The following RASGEF1A variants were observed in gnomAD, a reference collection of about 807,000 sequenced individuals.
RASGEF1A encodes ras-GEF domain-containing family member 1A.
In RASGEF1A, 18 loss-of-function variants were observed where a neutral mutation model predicts 56.4. The observed-to-expected ratio is 0.32, with a 90% CI of 0.22 to 0.47. The LOEUF (loss-of-function observed/expected upper bound fraction) is 0.47. RASGEF1A is among the 20% of genes least tolerant of loss of function. RASGEF1A has a pLI of 1.00. For synonymous variants in RASGEF1A, 245 were observed against 242.6 expected (o/e 1.01, Z -0.09); for missense variants, 422 against 627.1 (o/e 0.67, Z 3.49).
intron 1 of RASGEF1A, among the ~76,000 whole-genome samples, chr10:43,243,380 G>A (rs2505534): frequency 0.54 from 78,932 of 147,436 alleles, 21,077 homozygotes; most frequent in African/African-American, 0.6. Context: ...TGCCCCGTCC[G>A]GGAGGTGAGG....
intron 1 of RASGEF1A, among the ~76,000 whole-genome samples, chr10:43,234,382 C>A (rs571104536): frequency 1.6e-4 from 24 of 152,210 alleles, no homozygotes; most frequent in African/African-American, 5.3e-4. Flanking sequence ...TTGGGGCAAA[C>A]CCTGCTCCCT....
chr10:43,245,752 A>T (rs1840560971), intron 1 of RASGEF1A, among the ~76,000 whole-genome samples: 1 of 152,200 alleles, frequency 6.6e-6, no homozygotes, highest in African/African-American at 2.4e-5. Context: ...CAAGCAACTG[A>T]AGGGAACTTC....
chr10:43,223,758 C>T (rs937048866), intron 1 of RASGEF1A, among the ~76,000 whole-genome samples: 1 of 151,882 alleles, frequency 6.6e-6, no homozygotes, highest in African/African-American at 2.4e-5. Flanking sequence ...GGGCCAGGCA[C>T]CCTGGATCAT....
chr10:43,196,973 C>T lies in RASGEF1A; in HGVS notation c.1348+3G>A. On this transcript the variant is annotated splice_donor_region_variant and intron_variant, in intron 11 of 12. Coordinates refer to ENST00000395810, the MANE Select transcript of RASGEF1A (RefSeq NM_145313.4). This position sits in a 1 kb window ranked among gnomAD's most constrained non-coding sequence, Gnocchi z 4.6. ...GCATGCTGCGTTGGGAGGCAGCCCTCACCTTCCTCGCTGTAGATGGGCGCC... is the reference window on the plus strand; with the variant it reads ...GCATGCTGCGTTGGGAGGCAGCCCTTACCTTCCTCGCTGTAGATGGGCGCC... The T allele has an allele frequency of 6.2e-7, 1 of 1,613,054 alleles. No homozygotes were observed. The highest frequency in any genetic ancestry group is 1.1e-5 in the South Asian group (1 of 91,026).
At chr10:43,197,925 C>A (rs944432069) in intron 10 of RASGEF1A, 79 bp downstream of exon 10, 1 of 1,313,522 alleles carries the variant, frequency 7.6e-7, no homozygotes, top group African/African-American at 1.5e-5. Flanking sequence ...CCACAGATCC[C>A]GACCCAGGGC....
intron 10 of RASGEF1A, 104 bp from the exon 11 acceptor site, chr10:43,197,203 A>G: frequency 7.4e-7 from 1 of 1,360,278 alleles, no homozygotes; most frequent in South Asian, 1.3e-5. Context: ...TGCTCACTTC[A>G]CTGGTCCCAG....
intron 1 of RASGEF1A, among the ~76,000 whole-genome samples, chr10:43,214,456 G>A (rs1015759702): frequency 6.6e-6 from 1 of 152,190 alleles, no homozygotes; most frequent in Non-Finnish European, 1.5e-5. Flanking sequence ...GCCCCCCTTC[G>A]TAGGTGTGTG....
At position 43,229,126 on chromosome 10, in the gene RASGEF1A, A is replaced by AT. The variant is rs1435982545; in HGVS notation, c.-6-23005_-6-23004insA. 2.9e-4 allele frequency among the ~76,000 whole-genome samples: 44 copies of AT among 152,260 alleles called. 1 individual carries two copies. Among genetic ancestry groups the AT allele is most frequent in the African/African-American group, 1.1e-3 (44 of 41,556 alleles). On this transcript the variant is annotated intron_variant, in intron 1 of 12. Coordinates refer to ENST00000395810, the MANE Select transcript of RASGEF1A (RefSeq NM_145313.4). ...CTCGCCCTGGAGCGCACACTCCTCG[A>AT]AGCCCCACGGTGGGCTCCACTCTCC...
intron 1 of RASGEF1A, among the ~76,000 whole-genome samples, chr10:43,254,303 A>G (rs1001236659): frequency 6.6e-6 from 1 of 152,184 alleles, no homozygotes; most frequent in African/African-American, 2.4e-5. Flanking sequence ...GCAAGGGGCC[A>G]TGTAGGTAGA....
chr10:43,206,590 G>A (rs1395339507), intron 1 of RASGEF1A: 3 of 996,958 alleles, frequency 3.0e-6, no homozygotes, highest in Non-Finnish European at 3.6e-6. Context: ...GAGCTGGGAG[G>A]ACAGTCTGAG....
At chr10:43,205,222 C>T (rs1195858749) in intron 2 of RASGEF1A, among the ~76,000 whole-genome samples, 1 of 152,102 alleles carries the variant, frequency 6.6e-6, no homozygotes, top group Non-Finnish European at 1.5e-5. Context: ...ACTGGCCCTC[C>T]CAGAGGGTAG....
At position 43,196,160 on chromosome 10, in the gene RASGEF1A, G is replaced by T; in HGVS notation, c.*84C>A. The T allele has an allele frequency of 1.5e-6, 2 of 1,291,214 alleles. No homozygotes were observed. The highest frequency in any genetic ancestry group is 2.2e-6 in the Non-Finnish European group (2 of 908,034). 80.0% of individuals were successfully genotyped at this position (1,291,214 alleles called of 1,614,324 possible). ...TACAAAATGGACCCCAACCAGTGAG[G>T]CCTCCTCATCTCAACCCACATCAGT... On this transcript the variant is annotated 3_prime_UTR_variant, in exon 13 of 13. Coordinates refer to ENST00000395810, the MANE Select transcript of RASGEF1A (RefSeq NM_145313.4). This position sits in a 1 kb window ranked among gnomAD's most constrained non-coding sequence, Gnocchi z 4.6.
intron 1 of RASGEF1A, chr10:43,209,227 T>C: frequency 1.0e-6 from 1 of 985,066 alleles, no homozygotes; most frequent in Middle Eastern, 5.2e-4. Context: ...ACCGCAAGGC[T>C]ACAGTTGAAG....
chr10:43,225,383 ATG>A (rs1417980631), intron 1 of RASGEF1A, among the ~76,000 whole-genome samples: 1 of 112,698 alleles, frequency 8.9e-6, no homozygotes, highest in African/African-American at 3.6e-5. Context: ...GTGTCTCTGC[ATG>A]TGTCTGTGTC....
At chr10:43,264,699 G>A (rs1180628967) in intron 1 of RASGEF1A, among the ~76,000 whole-genome samples, 1 of 151,818 alleles carries the variant, frequency 6.6e-6, no homozygotes, top group Non-Finnish European at 1.5e-5. Flanking sequence ...GGGGGAGAAT[G>A]CCTTGAGTCT....
intron 5 of RASGEF1A, 123 bp from the exon 6 acceptor site, chr10:43,200,379 GGC>G (rs1477768403): frequency 1.2e-6 from 1 of 827,114 alleles, no homozygotes; most frequent in African/African-American, 1.7e-5. Context: ...CCTCCTCCCA[GGC>G]CAGTCCTCCA....
intron 1 of RASGEF1A, among the ~76,000 whole-genome samples, chr10:43,209,904 G>C (rs574716757): frequency 6.6e-6 from 1 of 152,196 alleles, no homozygotes; most frequent in African/African-American, 2.4e-5. Context: ...ACTGGTGGGA[G>C]TGGGCCCAGT....
chr10:43,209,880 C>A (rs562545094), intron 1 of RASGEF1A, among the ~76,000 whole-genome samples: 1 of 152,252 alleles, frequency 6.6e-6, no homozygotes, highest in South Asian at 2.1e-4. Flanking sequence ...GCAGTACCTT[C>A]TCCTGAGCCA....
intron 4 of RASGEF1A, among the ~76,000 whole-genome samples, 162 bp downstream of exon 4, chr10:43,201,646 C>T (rs1839900130): frequency 6.6e-6 from 1 of 152,170 alleles, no homozygotes; most frequent in African/African-American, 2.4e-5. Flanking sequence ...GCTGAGCTGT[C>T]ATCTGGGGGA....
Sources: allele counts gnomAD v4.1 joint callset (sites outside exome capture counted in the v4.1 genomes callset), GRCh38; gene constraint gnomAD v4.1.1; non-coding constraint Gnocchi (gnomAD v3.1); transcripts MANE v1.5; gene names NCBI Gene and HGNC (gene_info 2026-07-23, HGNC 2026-07-21).